ZBED6: variants seen among roughly 807,000 people sequenced by gnomAD.
The protein encoded by ZBED6 is zinc finger BED-type containing 6.
ZBED6 carries 40 observed loss-of-function variants against 58.4 expected under a neutral mutation model. That is an observed-to-expected ratio of 0.68 (90% CI 0.53 to 0.89). The LOEUF is 0.89. ZBED6 is among the 40% of genes least tolerant of loss of function. ZBED6 has a pLI of 0.00. For synonymous variants in ZBED6, 439 were observed against 350.6 expected (o/e 1.25, Z -2.82); for missense variants, 1,057 against 1,003.9 (o/e 1.05, Z -0.71).
At chr1:203,829,781 T>C in exon 6 of ZBED6, 2 of 1,613,842 alleles carry the variant, frequency 1.2e-6, no homozygotes, top group South Asian at 1.1e-5. Flanking sequence ...GATATATAGA[T>C]CAGTTTTCTG....
exon 15 of ZBED6, chr1:203,850,650 T>C: frequency 1.2e-6 from 2 of 1,614,148 alleles, no homozygotes; most frequent in South Asian, 1.1e-5. Context: ...AGCAGTGTCC[T>C]ACAGGAACCC....
chr1:203,851,883 C>T (rs988789071), intron 16 of ZBED6, among the ~76,000 whole-genome samples: 9 of 144,018 alleles, frequency 6.2e-5, no homozygotes, highest in South Asian at 2.2e-4. Context: ...GCAAAATGAT[C>T]GCTTGAGCCC....
At chr1:203,817,341 G>A (rs1435674665) in intron 2 of ZBED6, among the ~76,000 whole-genome samples, 6 of 152,044 alleles carry the variant, frequency 3.9e-5, no homozygotes, top group Non-Finnish European at 7.4e-5. Flanking sequence ...TTGTACAAAA[G>A]TGAAAAGGCA....
rs374236846 is a variant in ZBED6, at chr1:203,849,745, A to G, written c.*4357A>G. ...GAGACCACAGGAGTTGACATCACTA[A>G]AATTCAAGTCAAGAGATGTGAGACC... On this transcript the variant is annotated 3_prime_UTR_variant, in exon 14 of 17. Transcript: ENST00000550078. 2.3e-4 allele frequency: 373 copies of G among 1,613,980 alleles called. 2 individuals carry two copies. In the South Asian group the frequency reaches 3.0e-3, roughly 13 times the overall value.
chr1:203,849,912 A>C, exon 14 of ZBED6: 2 of 1,614,150 alleles, frequency 1.2e-6, no homozygotes, highest in Non-Finnish European at 1.7e-6. Flanking sequence ...ACGGCACCTG[A>C]CCAAGCGGCT....
At chr1:203,844,099 T>G (rs562515388) in intron 11 of ZBED6, among the ~76,000 whole-genome samples, 1 of 152,294 alleles carries the variant, frequency 6.6e-6, no homozygotes, top group African/African-American at 2.4e-5. Flanking sequence ...TCAGATGATC[T>G]GCCCACTTTG....
chr1:203,812,796 C>T (rs1255333653), intron 1 of ZBED6, among the ~76,000 whole-genome samples: 1 of 151,734 alleles, frequency 6.6e-6, no homozygotes, highest in Non-Finnish European at 1.5e-5. Context: ...TTGCCAAGCT[C>T]GTCTTGAACT....
intron 3 of ZBED6, among the ~76,000 whole-genome samples, chr1:203,824,594 C>G (rs920534463): frequency 6.6e-6 from 1 of 152,140 alleles, no homozygotes; most frequent in Middle Eastern, 3.2e-3. Context: ...CAAATTGAGT[C>G]ACATTTCCAG....
chr1:203,803,050 G>A (rs1671005352), intron 1 of ZBED6, 34 bp downstream of exon 1: 1 of 152,534 alleles, frequency 6.6e-6, no homozygotes, highest in Admixed American at 6.6e-5. Flanking sequence ...TCGCATGAAA[G>A]GAGTGAACAT....
chr1:203,818,608 A>G (rs1677166257), exon 3 of ZBED6: 26 of 1,614,160 alleles, frequency 1.6e-5, no homozygotes, highest in Non-Finnish European at 2.2e-5. Flanking sequence ...AAGCTGCAAT[A>G]GGAAATGAAA....
At chr1:203,809,309 G>A (rs935562925) in intron 1 of ZBED6, among the ~76,000 whole-genome samples, 1 of 150,428 alleles carries the variant, frequency 6.6e-6, no homozygotes, top group African/African-American at 2.4e-5. Flanking sequence ...CCGAGTAACT[G>A]GGACAACAGG....
chr1:203,809,376 C>G (rs1673554855), intron 1 of ZBED6, among the ~76,000 whole-genome samples: 1 of 151,402 alleles, frequency 6.6e-6, no homozygotes, highest in Admixed American at 6.6e-5. Context: ...GGTGTTTCAC[C>G]ATATTGGCCA....
chr1:203,837,800 A>G (rs1042658279), intron 9 of ZBED6, among the ~76,000 whole-genome samples, 166 bp from the exon 10 acceptor site: 2 of 152,102 alleles, frequency 1.3e-5, no homozygotes, highest in Non-Finnish European at 2.9e-5. Context: ...TTTCTCCGAC[A>G]TTTTTATGTT....
At chr1:203,810,482 C>T (rs992429087) in intron 1 of ZBED6, among the ~76,000 whole-genome samples, 12 of 148,420 alleles carry the variant, frequency 8.1e-5, no homozygotes, top group Non-Finnish European at 1.2e-4. Context: ...TGCAGTGGCG[C>T]GATCTCAGCT....
intron 1 of ZBED6, among the ~76,000 whole-genome samples, chr1:203,804,150 GTGTTT>G (rs1671389999): frequency 7.6e-6 from 1 of 131,018 alleles, no homozygotes. Flanking sequence ...TCCTGTATAT[GTGTTT>G]TTTTTTTTTT....
chr1:203,810,053 C>G (rs1673826241), intron 1 of ZBED6, among the ~76,000 whole-genome samples: 1 of 151,138 alleles, frequency 6.6e-6, no homozygotes, highest in Non-Finnish European at 1.5e-5. Context: ...GGATGTGCAT[C>G]TTTGTTTTGT....
At chr1:203,799,895 T>C (rs927403442) in exon 1 of ZBED6, 25 of 1,535,972 alleles carry the variant, frequency 1.6e-5, no homozygotes, top group Admixed American at 1.2e-4. Context: ...TAGAAACTTA[T>C]AAGCAGTTCC....
At chr1:203,815,998 G>A (rs986195162) in intron 1 of ZBED6, among the ~76,000 whole-genome samples, 1 of 152,150 alleles carries the variant, frequency 6.6e-6, no homozygotes, top group African/African-American at 2.4e-5. Flanking sequence ...CTACTTTTGC[G>A]TCTTGTTTGT....
intron 1 of ZBED6, 131 bp downstream of exon 1, chr1:203,803,147 A>T (rs1384976191): frequency 6.6e-6 from 1 of 152,170 alleles, no homozygotes; most frequent in East Asian, 1.9e-4. Context: ...ATAATTGTTT[A>T]CAAATTTTTA....
Sources: allele counts gnomAD v4.1 joint callset (sites outside exome capture counted in the v4.1 genomes callset), GRCh38; gene constraint gnomAD v4.1.1; transcripts MANE v1.5; gene names NCBI Gene and HGNC (gene_info 2026-07-23, HGNC 2026-07-21).